Variants in CNKSR3 observed in about 807,000 individuals in gnomAD.
The protein encoded by CNKSR3 is CNKSR family member 3, also known as connector enhancer of kinase suppressor of ras 3.
CNKSR3 carries 36 observed loss-of-function variants against 67.7 expected under a neutral mutation model. That is an observed-to-expected ratio of 0.53 (90% CI 0.41 to 0.70). The LOEUF is 0.70. Among genes scored for constraint, CNKSR3 ranks in the 30% least tolerant of loss-of-function variants. The pLI, the probability that CNKSR3 is intolerant of heterozygous loss-of-function variation, is 0.00. For missense variants in CNKSR3, 630 were observed against 695.2 expected, an observed-to-expected ratio of 0.91 and a Z score of 1.05; for synonymous variants, 281 against 271.4, an observed-to-expected ratio of 1.04 and a Z score of -0.35.
At chr6:154,442,887 A>T (rs950523377) in intron 2 of CNKSR3, among the ~76,000 whole-genome samples, 4 of 143,034 alleles carry the variant, frequency 2.8e-5, no homozygotes, top group African/African-American at 1.1e-4. Flanking sequence ...TTATTTTTTT[A>T]TTTTTTTTAT....
rs181253977 is a variant in CNKSR3, at chr6:154,389,694, A to G, written c.*16660T>C. On this transcript the variant is annotated 3_prime_UTR_variant, in exon 13 of 13. Coordinates refer to ENST00000607772, the MANE Select transcript of CNKSR3 (RefSeq NM_173515.4). Reference sequence around the variant, plus strand: ...AAACATGTTAGAATAAAGGAATTCAATAAAGTTGCATAATACAAAATCAAC... The same window carrying G: ...AAACATGTTAGAATAAAGGAATTCAGTAAAGTTGCATAATACAAAATCAAC... The G allele has an allele frequency of 6.6e-6, 1 of 152,272 alleles. No homozygotes were observed. The highest frequency in any genetic ancestry group is 1.9e-4 in the East Asian group (1 of 5,188). 9.4% of individuals were successfully genotyped at this position (152,272 alleles called of 1,614,324 possible). A position where few individuals can be genotyped will look rare whatever the true frequency, so the allele number is the denominator to read the frequency against.
At chr6:154,426,202 A>C (rs1239873889) in intron 7 of CNKSR3, among the ~76,000 whole-genome samples, 2 of 152,188 alleles carry the variant, frequency 1.3e-5, no homozygotes, top group Admixed American at 1.3e-4. Context: ...ACTTCCATAC[A>C]GTCCTACATG....
At chr6:154,492,350 A>C (rs1185194506) in intron 1 of CNKSR3, among the ~76,000 whole-genome samples, 4 of 152,114 alleles carry the variant, frequency 2.6e-5, no homozygotes, top group Non-Finnish European at 4.4e-5. Flanking sequence ...CCAGTCTCAA[A>C]GATTTAATAC....
intron 7 of CNKSR3, among the ~76,000 whole-genome samples, chr6:154,425,583 G>T (rs1362788629): frequency 6.6e-6 from 1 of 152,194 alleles, no homozygotes; most frequent in Non-Finnish European, 1.5e-5. Flanking sequence ...CGGATCTCAG[G>T]GGTGGAGGAC....
In CNKSR3 at chr6:154,400,664, T is replaced by C. The variant is rs1165432024; in HGVS notation, c.*5690A>G. On this transcript the variant is annotated 3_prime_UTR_variant, in exon 13 of 13. Transcript: ENST00000607772. ...TTTTACATACACAAATGCACACATA[T>C]ATAGGGTTTGGGACAGACTCCACAC... 1 of 152,210 alleles carries C rather than the reference T, an allele frequency of 6.6e-6. No homozygotes were observed. Among genetic ancestry groups the C allele is most frequent in the East Asian group, 1.9e-4 (1 of 5,192 alleles). 9.4% of individuals were successfully genotyped at this position (152,210 alleles called of 1,614,324 possible).
rs905705160 is a variant in CNKSR3, at chr6:154,396,173, C to A, written c.*10181G>T. ...TTACCTCCCCACCATTAACTTTTCC[C>A]TGGCTAATTTGAAACTGCCTGTACG... is the stretch of plus-strand genomic sequence containing the variant. On this transcript the variant is annotated 3_prime_UTR_variant, in exon 13 of 13. Coordinates refer to ENST00000607772, the MANE Select transcript of CNKSR3 (RefSeq NM_173515.4). The A allele has an allele frequency of 1.3e-5, 2 of 152,216 alleles. No individual in the cohort carries two copies. The highest frequency in any genetic ancestry group is 4.8e-5 in the African/African-American group (2 of 41,442). The allele number at this position is 152,216 out of a possible 1,614,324, so 9.4% of individuals were successfully genotyped here.
intron 1 of CNKSR3, among the ~76,000 whole-genome samples, chr6:154,475,936 G>A (rs919278240): frequency 1.3e-5 from 2 of 152,088 alleles, no homozygotes; most frequent in Non-Finnish European, 2.9e-5. Flanking sequence ...GGCAAGCCAG[G>A]GGACCTCTAG....
At chr6:154,503,988 G>A (rs778157901) in intron 1 of CNKSR3, among the ~76,000 whole-genome samples, 1 of 152,020 alleles carries the variant, frequency 6.6e-6, no homozygotes, top group Non-Finnish European at 1.5e-5. Flanking sequence ...GAATCGCCAG[G>A]GGATCTTATT....
chr6:154,426,574 C>T (rs1040532682), intron 7 of CNKSR3, among the ~76,000 whole-genome samples: 2 of 152,088 alleles, frequency 1.3e-5, no homozygotes, highest in African/African-American at 4.8e-5. Context: ...CCAGGATGGT[C>T]TCGATCTCCT....
chr6:154,456,424 G>A (rs1000181081), intron 1 of CNKSR3, among the ~76,000 whole-genome samples: 4 of 151,398 alleles, frequency 2.6e-5, no homozygotes, highest in African/African-American at 7.3e-5. Context: ...TGTGCCAGGC[G>A]CGGTGGCTCA....
chr6:154,502,892 G>C (rs928027433), intron 1 of CNKSR3, among the ~76,000 whole-genome samples: 9 of 152,150 alleles, frequency 5.9e-5, no homozygotes, highest in African/African-American at 1.9e-4. Context: ...ACAACACGCT[G>C]GGTGAAAAGA....
At chr6:154,447,703 C>A (rs1454299768) in intron 2 of CNKSR3, among the ~76,000 whole-genome samples, 1 of 152,134 alleles carries the variant, frequency 6.6e-6, no homozygotes, top group Non-Finnish European at 1.5e-5. Context: ...TTCTCCCCTC[C>A]CCCTTCCTTA....
chr6:154,479,733 T>TA (rs1309670367), intron 1 of CNKSR3, among the ~76,000 whole-genome samples: 1 of 152,118 alleles, frequency 6.6e-6, no homozygotes, highest in East Asian at 1.9e-4. Flanking sequence ...ATGGCTCTTT[T>TA]AAAAAAAATA....
chr6:154,396,193 T>C lies in CNKSR3; in HGVS notation c.*10161A>G, dbSNP rs1784659377. The C allele has an allele frequency of 6.6e-6, 1 of 152,234 alleles. No individual in the cohort carries two copies. 9.4% of individuals were successfully genotyped at this position (152,234 alleles called of 1,614,324 possible). ...TTTCCCTGGCTAATTTGAAACTGCC[T>C]GTACGAGCTTTAAATGAGTTCTTTG... is the stretch of plus-strand genomic sequence containing the variant. On this transcript the variant is annotated 3_prime_UTR_variant, in exon 13 of 13. Coordinates refer to ENST00000607772, the MANE Select transcript of CNKSR3 (RefSeq NM_173515.4).
At chr6:154,416,105 G>A (rs1223420756) in intron 9 of CNKSR3, among the ~76,000 whole-genome samples, 4 of 152,030 alleles carry the variant, frequency 2.6e-5, no homozygotes, top group Admixed American at 1.3e-4. Flanking sequence ...AAATAATGAA[G>A]CCCCGTCTCT....
chr6:154,449,589 T>C (rs377335618), intron 2 of CNKSR3, among the ~76,000 whole-genome samples: 19 of 152,170 alleles, frequency 1.2e-4, no homozygotes, highest in African/African-American at 3.4e-4. Context: ...CCTCCCAGAG[T>C]GCTGGGATTA....
At position 154,510,108 on chromosome 6, in the gene CNKSR3, G is replaced by A. The variant is rs1787185228; in HGVS notation, c.7C>T (p.Pro3Ser). 1 of 1,614,132 alleles carries A rather than the reference G, an allele frequency of 6.2e-7. No individual in the cohort carries two copies. Among genetic ancestry groups the A allele is most frequent in the East Asian group, 2.2e-5 (1 of 44,858 alleles). The change falls in exon 1 of 13, where the codon CCC becomes TCC. Residue 3 changes from proline to serine, a missense_variant. Pro to Ser is a moderately conservative substitution (Grantham distance 74). Around this residue, in one of 3 missense-constraint regions of CNKSR3, gnomAD observed 189 missense variants for 205.0 expected, o/e 0.92. Transcript: ENST00000607772. ME[P>S]VTKWSPKQVV... ...TGTTTGGGGCTCCACTTGGTCACGGGTTCCATGGTAAACCGCTTCGCCTCT... is the reference window on the plus strand; with the variant it reads ...TGTTTGGGGCTCCACTTGGTCACGGATTCCATGGTAAACCGCTTCGCCTCT...
At chr6:154,434,577 T>C (rs1208769908) in intron 4 of CNKSR3, among the ~76,000 whole-genome samples, 1 of 152,206 alleles carries the variant, frequency 6.6e-6, no homozygotes, top group Non-Finnish European at 1.5e-5. Context: ...ATCAGACTTT[T>C]ATTGTCTTCT....
At chr6:154,465,800 T>A (rs939584512) in intron 1 of CNKSR3, among the ~76,000 whole-genome samples, 3 of 152,226 alleles carry the variant, frequency 2.0e-5, no homozygotes, top group Non-Finnish European at 1.5e-5. Flanking sequence ...AAAATACTTT[T>A]AACTTAAAGA....
Sources: allele counts gnomAD v4.1 joint callset (sites outside exome capture counted in the v4.1 genomes callset), GRCh38; gene constraint gnomAD v4.1.1; regional missense constraint gnomAD v4.1.1; transcripts MANE v1.5; gene names NCBI Gene and HGNC (gene_info 2026-07-23, HGNC 2026-07-21).